EXD1: variants seen among roughly 807,000 people sequenced by gnomAD.
The protein encoded by EXD1 is piRNA biogenesis protein EXD1.
A neutral mutation model predicts 49.1 loss-of-function variants in EXD1; 63 were observed. The ratio of observed to expected loss-of-function variants is 1.28; its 90% CI spans 1.05 to 1.58. The LOEUF (loss-of-function observed/expected upper bound fraction) is 1.58. Among genes scored for constraint, EXD1 ranks in the 40% most tolerant of loss-of-function variants. EXD1 has a pLI of 0.00. For missense variants in EXD1, 748 were observed against 666.0 expected (o/e 1.12, Z -1.36); for synonymous variants, 234 against 239.2 (o/e 0.98, Z 0.20).
intron 3 of EXD1, among the ~76,000 whole-genome samples, 154 bp from the exon 4 acceptor site, chr15:41,217,308 T>C (rs2047015314): frequency 6.6e-6 from 1 of 152,174 alleles, no homozygotes; most frequent in South Asian, 2.1e-4. Context: ...CAGCAATAAA[T>C]ACAACAGAAG....
chr15:41,223,560 T>A (rs980872827), intron 2 of EXD1, among the ~76,000 whole-genome samples: 9 of 151,606 alleles, frequency 5.9e-5, no homozygotes, highest in African/African-American at 9.7e-5. Flanking sequence ...ATCTCAATTT[T>A]AAAAAAATAA....
At chr15:41,199,877 C>A (rs918399512) in intron 7 of EXD1, among the ~76,000 whole-genome samples, 1 of 141,350 alleles carries the variant, frequency 7.1e-6, no homozygotes, top group Non-Finnish European at 1.5e-5. Context: ...GTATATATAT[C>A]ATATATATAT....
rs781662910 is a variant in EXD1, at chr15:41,219,861, C to T, written c.171G>A (p.Val57=). 10 of 1,535,760 alleles carry T rather than the reference C, an allele frequency of 6.5e-6. No individual in the cohort carries two copies. In the South Asian group the frequency reaches 1.1e-4, roughly 16 times the overall value. The change falls in exon 3 of 12, where the codon GTG becomes GTA. Residue 57 remains valine (V), a synonymous_variant. Transcript: ENST00000458580. ...CAATCTCATGCCCAAAAAACAACTT[C>T]ACTCCTGGGACACTTCGACCTGTCT... ...NVETGRSVPG[V]KLFFGHEIVN...
chr15:41,189,210 A>G (rs2046465165), intron 11 of EXD1, among the ~76,000 whole-genome samples: 1 of 151,850 alleles, frequency 6.6e-6, no homozygotes, highest in Non-Finnish European at 1.5e-5. Context: ...TCTACCAAAA[A>G]TACAAAAATT....
In EXD1 at chr15:41,226,094, T is replaced by C. The variant is rs1466897285; in HGVS notation, c.133+349A>G. ...GGTGAAACCCTGTCTCTACTAAAAA[T>C]ACAAAAAATTTGCTGGGAGTGGTGG... On this transcript the variant is annotated intron_variant, in intron 2 of 11. Transcript: ENST00000458580. Among the ~76,000 whole-genome samples, 9 of 149,992 alleles carry C rather than the reference T, an allele frequency of 6.0e-5. No homozygotes were observed. In the Admixed American group the frequency reaches 6.0e-4, roughly 10 times the overall value.
intron 7 of EXD1, among the ~76,000 whole-genome samples, chr15:41,204,577 C>T (rs2046794041): frequency 1.3e-5 from 2 of 151,726 alleles, no homozygotes; most frequent in African/African-American, 2.4e-5. Context: ...CAAAAATTAG[C>T]CAGGTGTGGT....
intron 9 of EXD1, among the ~76,000 whole-genome samples, chr15:41,193,442 G>C (rs190859132): frequency 4.2e-4 from 64 of 151,850 alleles, no homozygotes; most frequent in Middle Eastern, 3.4e-3. Context: ...CTCCGTTTCT[G>C]GGGGGGAAAA....
intron 9 of EXD1, 122 bp from the exon 10 acceptor site, chr15:41,191,707 A>G (rs2046521865): frequency 2.3e-6 from 2 of 860,340 alleles, no homozygotes. Context: ...ACGATAGACC[A>G]TGTCATCGGA....
intron 2 of EXD1, among the ~76,000 whole-genome samples, chr15:41,221,706 C>T (rs1467042076): frequency 1.3e-5 from 2 of 151,758 alleles, no homozygotes; most frequent in African/African-American, 4.8e-5. Context: ...ATCCTTTTTC[C>T]TTCTCTTTGA....
intron 6 of EXD1, among the ~76,000 whole-genome samples, chr15:41,212,606 GAAAT>G (rs2046938802): frequency 6.6e-6 from 1 of 152,144 alleles, no homozygotes. Context: ...CTATCTAAGA[GAAAT>G]AAAATCATCC....
rs745470692 is a variant in EXD1 at position 41,219,877 on chromosome 15, C to T, written c.155G>A (p.Arg52Gln). 36 of 1,535,464 alleles carry T rather than the reference C, an allele frequency of 2.3e-5. No homozygotes were observed. The highest frequency in any genetic ancestry group is 1.3e-4 in the South Asian group (11 of 84,000). Residue 52 changes from arginine to glutamine, a missense_variant, in exon 3 of 12, where the codon CGA becomes CAA. Transcript: ENST00000458580. ...AAACAACTTCACTCCTGGGACACTT[C>T]GACCTGTCTCCACATTCTTCACTGT... ...LKKVKNVETG[R>Q]SVPGVKLFFG...
At chr15:41,220,842 T>C (rs1200039640) in intron 2 of EXD1, among the ~76,000 whole-genome samples, 1 of 152,210 alleles carries the variant, frequency 6.6e-6, no homozygotes, top group African/African-American at 2.4e-5. Context: ...CAACAACTTA[T>C]TTGTCACATC....
At chr15:41,186,130 G>C (rs1288688828) in intron 11 of EXD1, among the ~76,000 whole-genome samples, 2 of 152,030 alleles carry the variant, frequency 1.3e-5, no homozygotes, top group African/African-American at 4.8e-5. Flanking sequence ...TCTCTCTTGA[G>C]ATACTTTCCA....
intron 7 of EXD1, among the ~76,000 whole-genome samples, chr15:41,203,941 A>AAAAC (rs2046776705): frequency 1.4e-5 from 2 of 146,092 alleles, no homozygotes; most frequent in African/African-American, 2.5e-5. Context: ...AAAAAAAAAA[A>AAAAC]AAACCCTAAA....
At position 41,191,487 on chromosome 15, in the gene EXD1, G is replaced by A; in HGVS notation, c.819C>T (p.Ala273=). 6.2e-7 allele frequency: 1 copy of A among 1,612,854 alleles called. No individual in the cohort carries two copies. ...TTTCTAGAAAGGAGAGATATTTAGG[G>A]GCTACTTGAAGGTGTTTGATTAAAC... is the stretch of plus-strand genomic sequence containing the variant. The part of the protein sequence containing the change: ...QESLIKHLQV[A]PKYLSFLEKR... Residue 273 remains alanine, a synonymous_variant, in exon 10 of 12, where the codon GCC becomes GCT. Coordinates refer to ENST00000458580, the MANE Select transcript of EXD1 (RefSeq NM_001286441.2).
chr15:41,220,173 A>G (rs1291171793), intron 2 of EXD1, among the ~76,000 whole-genome samples: 1 of 152,102 alleles, frequency 6.6e-6, no homozygotes, highest in African/African-American at 2.4e-5. Flanking sequence ...TCTCCTGAGA[A>G]TATTCTAAGG....
chr15:41,191,499 G>A lies in EXD1; in HGVS notation c.807C>T (p.His269=), dbSNP rs779204242. 5.6e-6 allele frequency: 9 copies of A among 1,613,592 alleles called. No homozygotes were observed. The highest frequency in any genetic ancestry group is 7.6e-6 in the Non-Finnish European group (9 of 1,179,576). ...ITTLQESLIK[H]LQVAPKYLSF... ...AGAGATATTTAGGGGCTACTTGAAG[G>A]TGTTTGATTAAACTCTCCTGCAAAG... The change falls in exon 10 of 12, where the codon CAC becomes CAT. Residue 269 remains histidine (H), a synonymous_variant. Coordinates refer to ENST00000458580, the MANE Select transcript of EXD1 (RefSeq NM_001286441.2).
intron 1 of EXD1, among the ~76,000 whole-genome samples, chr15:41,229,976 T>C (rs973706100): frequency 1.3e-5 from 2 of 152,032 alleles, no homozygotes; most frequent in African/African-American, 4.8e-5. Flanking sequence ...GGTTCTTCCT[T>C]ATCTTATACG....
At chr15:41,209,668 T>C in intron 6 of EXD1, 81 bp from the exon 7 acceptor site, 6 of 1,193,228 alleles carry the variant, frequency 5.0e-6, no homozygotes, top group Non-Finnish European at 7.3e-6. Context: ...ACAAATACAA[T>C]GGTCAGCAGT....
Sources: allele counts gnomAD v4.1 joint callset (sites outside exome capture counted in the v4.1 genomes callset), GRCh38; gene constraint gnomAD v4.1.1; transcripts MANE v1.5; gene names NCBI Gene and HGNC (gene_info 2026-07-23, HGNC 2026-07-21).